Variants in MLLT3 observed in about 807,000 individuals in gnomAD.
MLLT3 encodes MLLT3 super elongation complex subunit.
In MLLT3, 4 loss-of-function variants were observed where a neutral mutation model predicts 53.2. That is an observed-to-expected ratio of 0.08 (90% confidence interval 0.04 to 0.17). The LOEUF is 0.17. Among genes scored for constraint, MLLT3 ranks in the 10% least tolerant of loss-of-function variants. MLLT3 has a pLI of 1.00. For missense variants in MLLT3, 569 were observed against 684.0 expected (o/e 0.83, Z 1.87); for synonymous variants, 283 against 230.6 (o/e 1.23, Z -2.06).
chr9:20,504,215 A>G (rs1825324913), intron 2 of MLLT3, among the ~76,000 whole-genome samples: 1 of 152,190 alleles, frequency 6.6e-6, no homozygotes, highest in Non-Finnish European at 1.5e-5. Context: ...AAACAAAACC[A>G]GTATTTCAAA....
rs1055325762 is a variant in MLLT3, at chr9:20,564,185, G to A, written c.193+56469C>T. ...TCCCTGGATGCTCTATAAATACAGA[G>A]TGATCAAGACTGGCAGTTACTCAGT... On this transcript the variant is annotated intron_variant, in intron 2 of 10. Coordinates refer to ENST00000380338, the MANE Select transcript of MLLT3 (RefSeq NM_004529.4). Among the ~76,000 whole-genome samples, 4 of 152,088 alleles carry A rather than the reference G, an allele frequency of 2.6e-5. No individual in the cohort carries two copies. In the East Asian group the frequency reaches 7.7e-4, roughly 29 times the overall value.
At chr9:20,572,494 T>C (rs1581978) in intron 2 of MLLT3, among the ~76,000 whole-genome samples, 53,643 of 152,062 alleles carry the variant, frequency 0.35, 9,630 homozygotes, top group East Asian at 0.52. Flanking sequence ...TTTATTTATA[T>C]ATTAATACAA....
chr9:20,370,159 A>G (rs1821561539), intron 5 of MLLT3, among the ~76,000 whole-genome samples: 1 of 152,200 alleles, frequency 6.6e-6, no homozygotes, highest in South Asian at 2.1e-4. Context: ...CCTTTGCTTC[A>G]TCATGCCATT....
chr9:20,583,497 G>A (rs1035665352), intron 2 of MLLT3, among the ~76,000 whole-genome samples: 2 of 152,158 alleles, frequency 1.3e-5, no homozygotes, highest in Non-Finnish European at 1.5e-5. Context: ...ACTGCCCTTA[G>A]CAGAGGTTCT....
At chr9:20,542,975 C>G (rs1263574228) in intron 2 of MLLT3, among the ~76,000 whole-genome samples, 2 of 152,178 alleles carry the variant, frequency 1.3e-5, no homozygotes, top group Non-Finnish European at 2.9e-5. Flanking sequence ...CTTCTTTCTT[C>G]AAATATCATG....
intron 5 of MLLT3, among the ~76,000 whole-genome samples, chr9:20,369,079 G>C (rs1461983790): frequency 6.6e-6 from 1 of 152,226 alleles, no homozygotes; most frequent in Non-Finnish European, 1.5e-5. Context: ...TGGGTGAGTG[G>C]GACAGGACCC....
chr9:20,455,927 CTTT>C (rs780438955), intron 3 of MLLT3, among the ~76,000 whole-genome samples: 187 of 116,860 alleles, frequency 1.6e-3, no homozygotes, highest in African/African-American at 5.7e-3. Context: ...CTGCTAAAAA[CTTT>C]TTTTTTTTTT....
At chr9:20,423,974 C>T (rs185532792) in intron 4 of MLLT3, among the ~76,000 whole-genome samples, 2 of 152,060 alleles carry the variant, frequency 1.3e-5, no homozygotes, top group East Asian at 3.9e-4. Context: ...CAAAATAATG[C>T]ACAATTTTAA....
intron 2 of MLLT3, among the ~76,000 whole-genome samples, chr9:20,615,874 GAAAA>G (rs10579863): frequency 2.7e-4 from 36 of 132,574 alleles, no homozygotes; most frequent in Admixed American, 4.6e-4. Flanking sequence ...AAAGAGATTT[GAAAA>G]AAAAAAAAAA....
intron 2 of MLLT3, among the ~76,000 whole-genome samples, chr9:20,551,066 A>C (rs1178277018): frequency 6.6e-6 from 1 of 152,242 alleles, no homozygotes; most frequent in Non-Finnish European, 1.5e-5. Context: ...ACCCAGCCAC[A>C]AAGTTTTCTT....
chr9:20,470,568 C>A (rs1273859269), intron 2 of MLLT3, among the ~76,000 whole-genome samples: 1 of 151,978 alleles, frequency 6.6e-6, no homozygotes, highest in Non-Finnish European at 1.5e-5. Context: ...AGAAAGACTA[C>A]CAAGAAACTG....
intron 2 of MLLT3, among the ~76,000 whole-genome samples, chr9:20,473,409 T>A (rs1563775587): frequency 1.3e-5 from 2 of 152,066 alleles, no homozygotes; most frequent in Non-Finnish European, 2.9e-5. Context: ...TTTCACCAAA[T>A]GTAATTTTAA....
chr9:20,605,557 C>T (rs1355520189), intron 2 of MLLT3, among the ~76,000 whole-genome samples: 1 of 151,992 alleles, frequency 6.6e-6, no homozygotes, highest in Non-Finnish European at 1.5e-5. Context: ...AGATATGACA[C>T]AACATTCCCC....
intron 2 of MLLT3, among the ~76,000 whole-genome samples, chr9:20,522,670 A>C (rs1432922600): frequency 1.7e-5 from 2 of 120,454 alleles, no homozygotes; most frequent in Non-Finnish European, 3.4e-5. Flanking sequence ...AACAGAATAA[A>C]AACAGTTGTT....
intron 4 of MLLT3, among the ~76,000 whole-genome samples, chr9:20,419,271 G>A (rs1371128280): frequency 3.9e-5 from 6 of 152,092 alleles, no homozygotes; most frequent in Non-Finnish European, 8.8e-5. Context: ...GAAGATCGAT[G>A]CTAACTGGCA....
rs1241621587 is a variant in MLLT3, at chr9:20,342,532, T to C, written c.*3911A>G. The stretch of plus-strand genomic sequence containing the variant: ...TTCCATCATAACTCTATTTTCAGAA[T>C]ACTGGAGTACAAGTGCCAAAATACA... On this transcript the variant is annotated 3_prime_UTR_variant, in exon 11 of 11. Transcript: ENST00000380338. 9.9e-5 allele frequency: 22 copies of C among 221,236 alleles called. No homozygotes were observed. The highest frequency in any genetic ancestry group is 1.8e-5 in the Non-Finnish European group (2 of 110,546). The allele number at this position is 221,236 out of a possible 1,614,324, so 13.7% of individuals were successfully genotyped here.
At chr9:20,498,266 A>AAAAAAAAAAAAAAG in intron 2 of MLLT3, among the ~76,000 whole-genome samples, 1 of 98,284 alleles carries the variant, frequency 1.0e-5, no homozygotes, top group Non-Finnish European at 2.1e-5. Context: ...AAAAAAAAAA[A>AAAAAAAAAAAAAAG]GTTCTTCTAG....
At chr9:20,501,777 A>C (rs1246216478) in intron 2 of MLLT3, among the ~76,000 whole-genome samples, 2 of 149,090 alleles carry the variant, frequency 1.3e-5, no homozygotes, top group East Asian at 3.9e-4. Flanking sequence ...AAAAAAAAAA[A>C]AAAAAAAAAC....
intron 2 of MLLT3, among the ~76,000 whole-genome samples, chr9:20,531,079 CTTTT>C (rs371687632): frequency 1.6e-5 from 2 of 125,252 alleles, no homozygotes; most frequent in African/African-American, 5.9e-5. Context: ...TTGCTTTTAG[CTTTT>C]TTTTTTTTTT....
Sources: allele counts gnomAD v4.1 joint callset (sites outside exome capture counted in the v4.1 genomes callset), GRCh38; gene constraint gnomAD v4.1.1; transcripts MANE v1.5; gene names NCBI Gene and HGNC (gene_info 2026-07-23, HGNC 2026-07-21).